The following BRINP3 variants were observed in gnomAD, a reference collection of about 807,000 sequenced individuals.
The protein encoded by BRINP3 is BMP/retinoic acid inducible neural specific 3.
A neutral mutation model predicts 71.0 loss-of-function variants in BRINP3; 19 were observed. That is an observed-to-expected ratio of 0.27 (90% confidence interval 0.19 to 0.39). BRINP3 has a LOEUF of 0.39. Among genes scored for constraint, BRINP3 ranks in the 10% least tolerant of loss-of-function variants. The pLI, the probability that BRINP3 is intolerant of heterozygous loss-of-function variation, is 1.00. For synonymous variants in BRINP3, 380 were observed against 337.7 expected (o/e 1.13, Z -1.37); for missense variants, 959 against 940.8 (o/e 1.02, Z -0.25).
At chr1:190,117,872 T>A (rs1299151044) in intron 7 of BRINP3, among the ~76,000 whole-genome samples, 1 of 152,086 alleles carries the variant, frequency 6.6e-6, no homozygotes, top group Non-Finnish European at 1.5e-5. Flanking sequence ...TTTTTTCTCC[T>A]CATGCCATTG....
At chr1:190,216,550 G>A (rs1333214024) in intron 6 of BRINP3, among the ~76,000 whole-genome samples, 1 of 151,808 alleles carries the variant, frequency 6.6e-6, no homozygotes, top group African/African-American at 2.4e-5. Flanking sequence ...TTTAAAATTC[G>A]CTGACACTTT....
chr1:190,467,468 A>T (rs1676838168), intron 1 of BRINP3, among the ~76,000 whole-genome samples: 1 of 151,526 alleles, frequency 6.6e-6, no homozygotes, highest in Non-Finnish European at 1.5e-5. Flanking sequence ...CTTAACTGCC[A>T]TCTAGTAAAG....
intron 2 of BRINP3, among the ~76,000 whole-genome samples, chr1:190,310,250 G>A (rs1412736055): frequency 1.3e-5 from 2 of 151,478 alleles, no homozygotes; most frequent in Admixed American, 6.6e-5. Context: ...CATGAAAAAT[G>A]TTCTGCACTT....
chr1:190,470,431 A>G (rs1677060224), intron 1 of BRINP3, among the ~76,000 whole-genome samples: 1 of 151,120 alleles, frequency 6.6e-6, no homozygotes, highest in Non-Finnish European at 1.5e-5. Context: ...GAACTATAAT[A>G]TGGTAGCTAC....
At chr1:190,361,934 A>C (rs1205618924) in intron 2 of BRINP3, 4 of 152,108 alleles carry the variant, frequency 2.6e-5, no homozygotes, top group African/African-American at 9.7e-5. Context: ...TTTGGAGATA[A>C]GGCCTTTATA....
chr1:190,476,599 C>T lies in BRINP3; in HGVS notation c.-51+849G>A, dbSNP rs375760297. 1.1e-3 allele frequency among the ~76,000 whole-genome samples: 169 copies of T among 152,216 alleles called. 5 individuals carry two copies. The South Asian group carries it at 0.022, about 20-fold the overall frequency. On this transcript the variant is annotated intron_variant, in intron 1 of 7. Transcript: ENST00000367462. The stretch of plus-strand genomic sequence containing the variant: ...TGACCATATTAACATGCCTATTAAA[C>T]ACAAGGGTTGGGGGCAGACAAGTAT...
intron 7 of BRINP3, among the ~76,000 whole-genome samples, chr1:190,138,138 A>T (rs929258405): frequency 6.6e-6 from 1 of 151,802 alleles, no homozygotes; most frequent in African/African-American, 2.4e-5. Flanking sequence ...ATTTTTAGTA[A>T]AGACGGGGTT....
At chr1:190,131,504 C>T (rs530813441) in intron 7 of BRINP3, among the ~76,000 whole-genome samples, 7 of 152,120 alleles carry the variant, frequency 4.6e-5, no homozygotes, top group African/African-American at 1.7e-4. Flanking sequence ...TCTCACACAT[C>T]CTTGTAGTCT....
chr1:190,329,311 G>C (rs899061332), intron 2 of BRINP3, among the ~76,000 whole-genome samples: 1 of 151,820 alleles, frequency 6.6e-6, no homozygotes, highest in Non-Finnish European at 1.5e-5. Context: ...TTCCTGGAAT[G>C]GATAAATAAC....
intron 2 of BRINP3, among the ~76,000 whole-genome samples, chr1:190,357,021 T>C (rs1357058754): frequency 6.6e-6 from 1 of 151,502 alleles, no homozygotes; most frequent in African/African-American, 2.4e-5. Context: ...ATGGAAATGA[T>C]TTGGGGGATG....
intron 6 of BRINP3, among the ~76,000 whole-genome samples, chr1:190,215,928 G>A (rs1484589220): frequency 6.6e-6 from 1 of 150,778 alleles, no homozygotes; most frequent in African/African-American, 2.4e-5. Context: ...TCTTTATATA[G>A]ACCAATCTCT....
At chr1:190,287,877 A>G (rs1260589963) in intron 2 of BRINP3, among the ~76,000 whole-genome samples, 2 of 124,104 alleles carry the variant, frequency 1.6e-5, no homozygotes, top group Non-Finnish European at 3.9e-5. Flanking sequence ...ATTACTGAAA[A>G]TAATTTAATT....
Position 190,098,650 on chromosome 1 carries a change from T to C in BRINP3, c.1669A>G (p.Ile557Val). 2 of 1,614,098 alleles carry C rather than the reference T, an allele frequency of 1.2e-6. No homozygotes were observed. Among genetic ancestry groups the C allele is most frequent in the East Asian group, 2.2e-5 (1 of 44,858 alleles). The part of the protein sequence containing the change: ...VHMILGLSLQ[I>V]CLTKNSTLEP... ...AAGGTGCTGTTTTTAGTTAAGCAAA[T>C]CTGTAAAGAGAGACCCAAAATCATA... The change falls in exon 8 of 8, where the codon ATT becomes GTT. Residue 557 changes from isoleucine (I) to valine (V), a missense_variant. Physicochemically the swap from Ile to Val is conservative, Grantham distance 29. Transcript: ENST00000367462.
At chr1:190,306,764 G>T (rs556643730) in intron 2 of BRINP3, among the ~76,000 whole-genome samples, 9 of 151,762 alleles carry the variant, frequency 5.9e-5, no homozygotes, top group African/African-American at 1.9e-4. Context: ...ACAAGAATGA[G>T]GTTAAAGAGA....
At chr1:190,444,143 G>A (rs1010224420) in intron 2 of BRINP3, among the ~76,000 whole-genome samples, 2 of 144,008 alleles carry the variant, frequency 1.4e-5, no homozygotes, top group African/African-American at 5.1e-5. Flanking sequence ...TGAGGCAGGA[G>A]AATAGTTTGA....
At position 190,477,545 on chromosome 1, in the gene BRINP3, C is replaced by A. The variant is rs1036483565; in HGVS notation, c.-148G>T. 1 of 152,058 alleles carries A rather than the reference C, an allele frequency of 6.6e-6. No homozygotes were observed. Among genetic ancestry groups the A allele is most frequent in the African/African-American group, 2.4e-5 (1 of 41,398 alleles). 9.4% of individuals were successfully genotyped at this position (152,058 alleles called of 1,614,324 possible). A position where few individuals can be genotyped will look rare whatever the true frequency, so the allele number is the denominator to read the frequency against. On this transcript the variant is annotated 5_prime_UTR_variant, in exon 1 of 8. Coordinates refer to ENST00000367462, the MANE Select transcript of BRINP3 (RefSeq NM_199051.3). ...TTCCAAATCAAGGTAAAGTAGTGAG[C>A]TGCAGGGTAGTAGGACTTTAAAATA...
intron 2 of BRINP3, among the ~76,000 whole-genome samples, chr1:190,357,327 T>C (rs74678077): frequency 1.1e-4 from 17 of 152,112 alleles, no homozygotes; most frequent in African/African-American, 3.1e-4. Flanking sequence ...TGTAAAGAAA[T>C]TGAATTTTAA....
intron 7 of BRINP3, among the ~76,000 whole-genome samples, chr1:190,143,776 T>C (rs887542180): frequency 6.6e-6 from 1 of 152,206 alleles, no homozygotes; most frequent in Non-Finnish European, 1.5e-5. Context: ...TAAGTCATTT[T>C]AGCCAAATTC....
chr1:190,301,945 T>C (rs1404674123), intron 2 of BRINP3, among the ~76,000 whole-genome samples: 3 of 151,904 alleles, frequency 2.0e-5, no homozygotes, highest in Non-Finnish European at 4.4e-5. Flanking sequence ...ATTTCTTTGC[T>C]GAAAGTGTTT....
Sources: allele counts gnomAD v4.1 joint callset (sites outside exome capture counted in the v4.1 genomes callset), GRCh38; gene constraint gnomAD v4.1.1; transcripts MANE v1.5; gene names NCBI Gene and HGNC (gene_info 2026-07-23, HGNC 2026-07-21).